The following ALKBH8 variants were observed in gnomAD, a reference collection of about 807,000 sequenced individuals.
The protein encoded by ALKBH8 is alkB homolog 8, tRNA methyltransferase.
In ALKBH8, 36 loss-of-function variants were observed where a neutral mutation model predicts 59.8. That is an observed-to-expected ratio of 0.60 (90% CI 0.46 to 0.79). The LOEUF is 0.79. Among genes scored for constraint, ALKBH8 ranks in the 30% least tolerant of loss-of-function variants. The pLI is 0.00. For synonymous variants in ALKBH8, 276 were observed against 273.6 expected, an observed-to-expected ratio of 1.01 and a Z score of -0.09; for missense variants, 768 against 801.0, an observed-to-expected ratio of 0.96 and a Z score of 0.50.
At chr11:107,546,056 C>T (rs949419735) in intron 7 of ALKBH8, among the ~76,000 whole-genome samples, 1 of 152,114 alleles carries the variant, frequency 6.6e-6, no homozygotes, top group Non-Finnish European at 1.5e-5. Context: ...GTGACTCATT[C>T]TTTGTTCTAA....
intron 7 of ALKBH8, among the ~76,000 whole-genome samples, chr11:107,539,855 C>T (rs1463145641): frequency 6.6e-6 from 1 of 152,166 alleles, no homozygotes; most frequent in Non-Finnish European, 1.5e-5. Flanking sequence ...ACAGGACCTC[C>T]CATTTGAAAG....
At chr11:107,553,361 TTTG>T (rs1864574197) in intron 4 of ALKBH8, among the ~76,000 whole-genome samples, 158 bp from the exon 5 acceptor site, 1 of 152,168 alleles carries the variant, frequency 6.6e-6, no homozygotes, top group African/African-American at 2.4e-5. Flanking sequence ...TTGCCTTATA[TTTG>T]TTGTTATTTC....
chr11:107,510,073 TA>T (rs1355540676), intron 11 of ALKBH8, among the ~76,000 whole-genome samples: 1 of 152,154 alleles, frequency 6.6e-6, no homozygotes, highest in Non-Finnish European at 1.5e-5. Flanking sequence ...GTAAAAAACC[TA>T]ATATTGTTTG....
intron 11 of ALKBH8, among the ~76,000 whole-genome samples, chr11:107,510,112 C>G (rs1300879169): frequency 6.6e-6 from 1 of 152,058 alleles, no homozygotes; most frequent in East Asian, 1.9e-4. Flanking sequence ...CTCTTGGTTA[C>G]TATTAAAAGT....
intron 6 of ALKBH8, 24 bp from the exon 7 acceptor site, chr11:107,549,847 C>T (rs1864419361): frequency 2.0e-6 from 3 of 1,493,442 alleles, no homozygotes; most frequent in African/African-American, 1.4e-5. Flanking sequence ...CAGGACAACA[C>T]GTCACTTCAT....
chr11:107,565,499 T>C, intron 1 of ALKBH8, 102 bp downstream of exon 1: 1 of 1,508,686 alleles, frequency 6.6e-7, no homozygotes, highest in Non-Finnish European at 8.9e-7. Context: ...CCCTAGGTTC[T>C]CAGCCCTAGC....
intron 6 of ALKBH8, among the ~76,000 whole-genome samples, chr11:107,551,325 T>C (rs1355987621): frequency 6.6e-6 from 1 of 152,208 alleles, no homozygotes; most frequent in African/African-American, 2.4e-5. Flanking sequence ...AAAGTGTAGA[T>C]TTGCAAAGAC....
At chr11:107,553,689 TTAA>T (rs1259446160) in intron 4 of ALKBH8, among the ~76,000 whole-genome samples, 155 bp downstream of exon 4, 6 of 152,172 alleles carry the variant, frequency 3.9e-5, no homozygotes, top group African/African-American at 1.2e-4. Context: ...TTATTTATTA[TTAA>T]TGTTCCTAAG....
chr11:107,533,893 C>A (rs1447959140), intron 7 of ALKBH8, among the ~76,000 whole-genome samples: 1 of 152,074 alleles, frequency 6.6e-6, no homozygotes, highest in East Asian at 1.9e-4. Flanking sequence ...CTTTGGGAGG[C>A]CGAGGTGGGC....
At chr11:107,558,451 G>C (rs959854778) in intron 2 of ALKBH8, among the ~76,000 whole-genome samples, 6 of 152,114 alleles carry the variant, frequency 3.9e-5, no homozygotes, top group Non-Finnish European at 7.4e-5. Flanking sequence ...GGTTATATGT[G>C]GCCATAGTTG....
chr11:107,560,540 A>G (rs1171894101), intron 2 of ALKBH8, among the ~76,000 whole-genome samples: 1 of 152,166 alleles, frequency 6.6e-6, no homozygotes, highest in African/African-American at 2.4e-5. Flanking sequence ...TTATTAATAT[A>G]TAACTACAAC....
chr11:107,557,314 TAATG>T lies in ALKBH8; in HGVS notation c.130-315_130-312del, dbSNP rs540843847. 9.8e-5 allele frequency among the ~76,000 whole-genome samples: 15 copies of T among 152,312 alleles called. No individual in the cohort carries two copies. The South Asian group carries it at 2.9e-3, about 29-fold the overall frequency. ...ATTATTCAGAAATATAAATTTAACATAATGAAAGAGGTGGAGAGGAGAAAGGACA... is the reference window on the plus strand; with the variant it reads ...ATTATTCAGAAATATAAATTTAACATAAAGAGGTGGAGAGGAGAAAGGACA... On this transcript the variant is annotated intron_variant, in intron 2 of 11. Coordinates refer to ENST00000428149, the MANE Select transcript of ALKBH8 (RefSeq NM_138775.3).
chr11:107,546,495 T>C (rs1283253274), intron 7 of ALKBH8, among the ~76,000 whole-genome samples: 1 of 152,162 alleles, frequency 6.6e-6, no homozygotes, highest in East Asian at 1.9e-4. Context: ...CCTTGGATAT[T>C]TCCCTAAGCT....
intron 8 of ALKBH8, 71 bp downstream of exon 8, chr11:107,532,229 C>A: frequency 3.1e-6 from 4 of 1,276,018 alleles, no homozygotes; most frequent in Non-Finnish European, 4.4e-6. Flanking sequence ...GGGCATGGTC[C>A]CCGTGGCTCA....
rs1565346065 is a variant in ALKBH8 at position 107,553,166 on chromosome 11, A to C, written c.537T>G (p.Phe179Leu). 5 of 1,610,214 alleles carry C rather than the reference A, an allele frequency of 3.1e-6. No homozygotes were observed. The highest frequency in any genetic ancestry group is 4.2e-6 in the Non-Finnish European group (5 of 1,178,388). Residue 179 changes from phenylalanine to leucine, a missense_variant, in exon 5 of 12, where the codon TTT (phenylalanine) becomes TTG (leucine). Physicochemically the swap from Phe to Leu is conservative, Grantham distance 22. Transcript: ENST00000428149. The stretch of plus-strand genomic sequence containing the variant: ...TGTTCTCATAGTGGAACTCATAACC[A>C]AAATGCTTTACTCTTCTGTGTTTTA... ...KSLKHRRVKH[F>L]GYEFHYENNN... is the part of the protein sequence containing the mutation.
chr11:107,512,464 C>T (rs746521575), intron 10 of ALKBH8, among the ~76,000 whole-genome samples: 6 of 152,020 alleles, frequency 3.9e-5, no homozygotes, highest in Admixed American at 1.3e-4. Flanking sequence ...CAGGTGCGTA[C>T]CACCATGCCC....
At position 107,522,512 on chromosome 11, in the gene ALKBH8, G is replaced by T; in HGVS notation, c.1074C>A (p.Pro358=). Residue 358 remains proline, a synonymous_variant, in exon 10 of 12, where the codon CCC becomes CCA. Coordinates refer to ENST00000428149, the MANE Select transcript of ALKBH8 (RefSeq NM_138775.3). Reference sequence around the variant, plus strand: ...CTTCTTTATCACTCTCTGGAAATGAGGGGGGAGTCTCTTTCCTCTGGCTAT... The same window carrying T: ...CTTCTTTATCACTCTCTGGAAATGATGGGGGAGTCTCTTTCCTCTGGCTAT... ...VCDSQRKETP[P]SFPESDKEAS... 1 of 1,551,556 alleles carries T rather than the reference G, an allele frequency of 6.4e-7. No individual in the cohort carries two copies. The highest frequency in any genetic ancestry group is 8.7e-7 in the Non-Finnish European group (1 of 1,146,908).
intron 1 of ALKBH8, among the ~76,000 whole-genome samples, chr11:107,562,297 CA>C (rs11411393): frequency 3.7e-3 from 476 of 127,222 alleles, no homozygotes; most frequent in African/African-American, 8.5e-3. Flanking sequence ...AATTCCATCT[CA>C]AAAAAAAAAA....
chr11:107,556,975 C>A lies in ALKBH8; in HGVS notation c.158G>T (p.Gly53Val), dbSNP rs1318491113. The A allele has an allele frequency of 6.3e-7, 1 of 1,594,626 alleles. No individual in the cohort carries two copies. Among genetic ancestry groups the A allele is most frequent in the Admixed American group, 1.8e-5 (1 of 57,078 alleles). The change falls in exon 3 of 12, where the codon GGT becomes GTT. Residue 53 changes from glycine (G) to valine (V), a missense_variant. Transcript: ENST00000428149. ...CAGCTGGTTCCGACTCACACCATTA[C>A]CCAAACCACCATTGGCAACAACCAG... ...QSLVVANGGLGNGVSRNQLLP... is the reference protein window; with the variant it reads ...QSLVVANGGLVNGVSRNQLLP...
Sources: gnomAD v4.1 joint callset for allele counts (sites outside exome capture counted in the v4.1 genomes callset) on GRCh38, gnomAD v4.1.1 for gene constraint, MANE v1.5 for transcripts, NCBI Gene and HGNC (gene_info 2026-07-23, HGNC 2026-07-21) for gene names.